ASPRV1: variants seen among roughly 807,000 people sequenced by gnomAD.
ASPRV1 encodes the protein aspartic peptidase retroviral like 1.
In ASPRV1, 7 loss-of-function variants were observed where a neutral mutation model predicts 11.0. The observed-to-expected ratio is 0.64, with a 90% CI of 0.36 to 1.20. The LOEUF (loss-of-function observed/expected upper bound fraction) is 1.20. Among genes scored for constraint, ASPRV1 ranks in the 50% most tolerant of loss-of-function variants. ASPRV1 has a pLI of 0.02. For synonymous variants in ASPRV1, 136 were observed against 138.4 expected, an observed-to-expected ratio of 0.98 and a Z score of 0.12; for missense variants, 299 against 320.0, an observed-to-expected ratio of 0.93 and a Z score of 0.50.
chr2:69,972,457 A>G, the ASPRV1 span, among the ~76,000 whole-genome samples: 19 of 150,634 alleles, frequency 1.3e-4, no homozygotes, highest in African/African-American at 4.2e-4. Flanking sequence ...TCCCAGGTTC[A>G]AGTGATTCTC....
At chr2:70,021,896 G>A in the ASPRV1 span, among the ~76,000 whole-genome samples, 4 of 149,900 alleles carry the variant, frequency 2.7e-5, no homozygotes, top group Admixed American at 1.3e-4. Flanking sequence ...AGTAGAGATG[G>A]GGTTTCACCA....
chr2:69,935,518 G>A, the ASPRV1 span: 1 of 1,285,716 alleles, frequency 7.8e-7, no homozygotes, highest in Non-Finnish European at 1.1e-6. Flanking sequence ...GTGAGGGTTT[G>A]TCTGTTGTTA....
chr2:69,966,887 AG>A, the ASPRV1 span, among the ~76,000 whole-genome samples: 4 of 152,106 alleles, frequency 2.6e-5, no homozygotes, highest in Non-Finnish European at 4.4e-5. Context: ...GGCGACAGAG[AG>A]GGGGTACCTT....
At chr2:69,995,278 A>G in the ASPRV1 span, 2 of 150,424 alleles carry the variant, frequency 1.3e-5, no homozygotes, top group Non-Finnish European at 2.9e-5. Context: ...AGTCCCAGCT[A>G]CTCGGGAGGC....
At chr2:70,067,222 G>A in the ASPRV1 span, among the ~76,000 whole-genome samples, 2 of 152,168 alleles carry the variant, frequency 1.3e-5, no homozygotes, top group Non-Finnish European at 1.5e-5. Flanking sequence ...GTTGTCAGAC[G>A]TGGGAAGGGA....
chr2:70,065,333 A>G, the ASPRV1 span, among the ~76,000 whole-genome samples: 1 of 144,412 alleles, frequency 6.9e-6, no homozygotes. Context: ...GGAGCTTGCA[A>G]TGAGCCGAGA....
chr2:69,987,208 C>T, the ASPRV1 span, among the ~76,000 whole-genome samples: 42 of 152,156 alleles, frequency 2.8e-4, no homozygotes, highest in Non-Finnish European at 4.7e-4. Flanking sequence ...CTAGGCCAAT[C>T]GCCATCCCCT....
At chr2:69,963,808 T>C (rs1409692935), upstream of ASPRV1, among the ~76,000 whole-genome samples, 1 of 152,088 alleles carries the variant, frequency 6.6e-6, no homozygotes, top group Non-Finnish European at 1.5e-5. Context: ...GGAGCTTCAA[T>C]GGCCTCAGGT....
chr2:70,001,726 C>A, the ASPRV1 span, among the ~76,000 whole-genome samples: 1 of 152,036 alleles, frequency 6.6e-6, no homozygotes, highest in African/African-American at 2.4e-5. Flanking sequence ...CCCCATTGCA[C>A]CCCAGCCTGA....
chr2:69,964,420 G>A (rs1678266546), upstream of ASPRV1: 1 of 432,494 alleles, frequency 2.3e-6, no homozygotes, highest in Non-Finnish European at 4.6e-6. Flanking sequence ...CTGGGAGTCT[G>A]TCTCTGGCTA....
the ASPRV1 span, among the ~76,000 whole-genome samples, chr2:69,933,200 C>CAAAAAAAAA: frequency 3.7e-5 from 3 of 80,142 alleles, no homozygotes; most frequent in Admixed American, 1.8e-4. Flanking sequence ...AACTCTGTCT[C>CAAAAAAAAA]AAAAAAAAAA....
chr2:69,962,750 C>T (rs1017866495), upstream of ASPRV1: 7 of 164,680 alleles, frequency 4.3e-5, no homozygotes, highest in African/African-American at 1.7e-4. Context: ...AGGGCACCCA[C>T]TCCTCGTTGA....
the ASPRV1 span, chr2:70,028,711 G>C: frequency 2.0e-5 from 3 of 152,226 alleles, no homozygotes; most frequent in Admixed American, 6.5e-5. Context: ...CCTGATAAAA[G>C]GATAAGTCTG....
the ASPRV1 span, among the ~76,000 whole-genome samples, chr2:70,029,741 C>A: frequency 1.3e-5 from 2 of 152,182 alleles, no homozygotes; most frequent in African/African-American, 4.8e-5. Flanking sequence ...CAGGTAAGCA[C>A]ACCAAGGCTG....
chr2:70,054,943 A>G, the ASPRV1 span, among the ~76,000 whole-genome samples: 14 of 152,208 alleles, frequency 9.2e-5, no homozygotes, highest in Non-Finnish European at 1.5e-5. Flanking sequence ...ACATACATAT[A>G]TATACGTACA....
chr2:69,943,597 G>A, the ASPRV1 span, among the ~76,000 whole-genome samples: 2 of 152,204 alleles, frequency 1.3e-5, no homozygotes, highest in Admixed American at 1.3e-4. Context: ...GGCTGAGGAT[G>A]TCCGTTCCTT....
chr2:69,971,907 GAC>G, the ASPRV1 span, among the ~76,000 whole-genome samples: 1 of 152,168 alleles, frequency 6.6e-6, no homozygotes, highest in Admixed American at 6.5e-5. Context: ...GTGGACAAAT[GAC>G]TTAATTCTTT....
At chr2:70,007,783 C>T in the ASPRV1 span, among the ~76,000 whole-genome samples, 1 of 151,992 alleles carries the variant, frequency 6.6e-6, no homozygotes, top group Admixed American at 6.6e-5. Flanking sequence ...GACCAGGGAA[C>T]TTTTGCTTTC....
At chr2:70,081,773 C>T in the ASPRV1 span, among the ~76,000 whole-genome samples, 24 of 151,934 alleles carry the variant, frequency 1.6e-4, no homozygotes, top group African/African-American at 5.1e-4. Context: ...TTTGTAGAGA[C>T]AGGGTCTCAC....
Sources: gnomAD v4.1 joint callset for allele counts (sites outside exome capture counted in the v4.1 genomes callset) on GRCh38, gnomAD v4.1.1 for gene constraint, MANE v1.5 for transcripts, NCBI Gene and HGNC (gene_info 2026-07-23, HGNC 2026-07-21) for gene names.